The following AGMO variants were observed in gnomAD, a reference collection of about 807,000 sequenced individuals.
AGMO encodes the protein alkylglycerol monooxygenase, also known as glyceryl-ether monooxygenase.
AGMO carries 75 observed loss-of-function variants against 60.2 expected under a neutral mutation model. The observed-to-expected ratio is 1.25, with a 90% CI of 1.03 to 1.51. AGMO has a LOEUF of 1.51. Ranked by LOEUF, AGMO falls within the 40% of genes most tolerant of loss-of-function variation. The pLI is 0.00. For missense variants in AGMO, 763 were observed against 525.5 expected (o/e 1.45, Z -4.42); for synonymous variants, 261 against 177.1 (o/e 1.47, Z -3.76).
chr7:15,164,006 G>T, the AGMO span, among the ~76,000 whole-genome samples: 1 of 151,936 alleles, frequency 6.6e-6, no homozygotes, highest in South Asian at 2.1e-4. Context: ...GGCTCTGTAA[G>T]GCTATGATAA....
At chr7:15,183,129 C>CTTT in the AGMO span, among the ~76,000 whole-genome samples, 64 of 149,054 alleles carry the variant, frequency 4.3e-4, no homozygotes, top group East Asian at 2.4e-3. Context: ...TTCAAGTATA[C>CTTT]TTTTTTTTTT....
At chr7:15,202,458 C>CTAAAAAAA (rs1434707993) in intron 12 of AGMO, among the ~76,000 whole-genome samples, 1 of 45,358 alleles carries the variant, frequency 2.2e-5, no homozygotes, top group African/African-American at 6.7e-5. Flanking sequence ...TACAAATGAG[C>CTAAAAAAA]AAAAAAAAAA....
chr7:15,325,360 T>A (rs1406670057), intron 12 of AGMO, among the ~76,000 whole-genome samples: 1 of 152,186 alleles, frequency 6.6e-6, no homozygotes, highest in Non-Finnish European at 1.5e-5. Flanking sequence ...TAATTTTATT[T>A]GTAAAATTTA....
At chr7:15,412,480 T>C (rs1780641041) in intron 5 of AGMO, among the ~76,000 whole-genome samples, 1 of 151,834 alleles carries the variant, frequency 6.6e-6, no homozygotes, top group South Asian at 2.1e-4. Context: ...GCATACAAAG[T>C]GCCCTCAAAG....
At chr7:15,183,083 G>A in the AGMO span, among the ~76,000 whole-genome samples, 3 of 151,852 alleles carry the variant, frequency 2.0e-5, no homozygotes, top group Admixed American at 1.3e-4. Context: ...AGATTTGGGA[G>A]GGGACACAAT....
intron 12 of AGMO, among the ~76,000 whole-genome samples, chr7:15,354,379 T>TATAGACGTGTGTACACACGTGTGTGTAC (rs1186632664): frequency 1.8e-5 from 1 of 54,400 alleles, no homozygotes; most frequent in Non-Finnish European, 3.2e-5. Flanking sequence ...GACGTGTGTA[T>TATAGACGTGTGTACACACGTGTGTGTAC]ACACGTGTGT....
rs541101159 is a variant in AGMO at position 15,372,036 on chromosome 7, G to A, written c.1075-5814C>T. On this transcript the variant is annotated intron_variant, in intron 10 of 12. Coordinates refer to ENST00000342526, the MANE Select transcript of AGMO (RefSeq NM_001004320.2). ...TAAAAGAAACTGAGAATATTGAAGA[G>A]GGAATTCAACATAGAACACATATGC... Among the ~76,000 whole-genome samples, 179 of 152,124 alleles carry A rather than the reference G, an allele frequency of 1.2e-3. 1 individual carries two copies. Among genetic ancestry groups the A allele is most frequent in the African/African-American group, 4.2e-3 (175 of 41,490 alleles).
intron 3 of AGMO, among the ~76,000 whole-genome samples, chr7:15,518,399 A>G (rs1411255955): frequency 6.6e-6 from 1 of 152,146 alleles, no homozygotes; most frequent in East Asian, 1.9e-4. Flanking sequence ...GCAGGGGTCA[A>G]CAGGCACCTC....
chr7:15,338,878 T>C (rs1182384513), intron 12 of AGMO, among the ~76,000 whole-genome samples: 1 of 152,156 alleles, frequency 6.6e-6, no homozygotes, highest in East Asian at 1.9e-4. Flanking sequence ...TGTTTAACTG[T>C]AAAATAAGCA....
chr7:15,451,961 G>C (rs1162002091), intron 3 of AGMO, among the ~76,000 whole-genome samples: 3 of 152,154 alleles, frequency 2.0e-5, no homozygotes, highest in Non-Finnish European at 4.4e-5. Context: ...CAGCTGTTGG[G>C]ATTGGCCAAG....
intron 12 of AGMO, among the ~76,000 whole-genome samples, chr7:15,289,943 C>CT (rs36074413): frequency 0.072 from 2,254 of 31,398 alleles, 424 homozygotes; most frequent in African/African-American, 0.2. Context: ...TTCCAGAAAT[C>CT]TTTTTTTTTT....
chr7:15,278,558 C>G (rs1249481381), intron 12 of AGMO, among the ~76,000 whole-genome samples: 1 of 152,040 alleles, frequency 6.6e-6, no homozygotes, highest in Non-Finnish European at 1.5e-5. Context: ...GCAGGCAGAA[C>G]TCTCGGGTGA....
chr7:15,199,666 G>A (rs1224688855), downstream of AGMO, among the ~76,000 whole-genome samples: 1 of 152,132 alleles, frequency 6.6e-6, no homozygotes, highest in Non-Finnish European at 1.5e-5. Flanking sequence ...CAAGCCAGCA[G>A]AGGGCTCCCT....
chr7:15,286,582 T>C (rs529576970), intron 12 of AGMO, among the ~76,000 whole-genome samples: 1 of 152,116 alleles, frequency 6.6e-6, no homozygotes, highest in Admixed American at 6.5e-5. Flanking sequence ...GAATAGATGT[T>C]TGTGCAGGTA....
At chr7:15,523,425 A>G (rs1305902596) in intron 3 of AGMO, among the ~76,000 whole-genome samples, 3 of 152,192 alleles carry the variant, frequency 2.0e-5, no homozygotes, top group African/African-American at 7.2e-5. Context: ...AAGACTTGGA[A>G]CCCACTCAAA....
rs1298623061 is a variant in AGMO at position 15,384,117 on chromosome 7, TC to T, written c.1074+1328del. Among the ~76,000 whole-genome samples the T allele has an allele frequency of 5.3e-5, 8 of 152,128 alleles. No individual in the cohort carries two copies. The East Asian group carries it at 5.8e-4, about 11-fold the overall frequency. ...GCCTGGCTACTTATTTTTGTATTTTTCAGTAGAGACGTGGTTTCACCGTATT... is the reference window on the plus strand; with the variant it reads ...GCCTGGCTACTTATTTTTGTATTTTTAGTAGAGACGTGGTTTCACCGTATT... On this transcript the variant is annotated intron_variant, in intron 10 of 12. Coordinates refer to ENST00000342526, the MANE Select transcript of AGMO (RefSeq NM_001004320.2).
chr7:15,252,848 G>A (rs1316834664), intron 12 of AGMO, among the ~76,000 whole-genome samples: 3 of 152,092 alleles, frequency 2.0e-5, no homozygotes, highest in Non-Finnish European at 4.4e-5. Flanking sequence ...AGGGTGGGCG[G>A]GGGCAGTAAG....
chr7:15,385,022 C>A (rs1200034391), intron 10 of AGMO, among the ~76,000 whole-genome samples: 1 of 151,938 alleles, frequency 6.6e-6, no homozygotes, highest in African/African-American at 2.4e-5. Flanking sequence ...AAATGTCAAA[C>A]TAAAGGAATT....
At chr7:15,346,349 C>T (rs912751669) in intron 12 of AGMO, among the ~76,000 whole-genome samples, 2 of 152,056 alleles carry the variant, frequency 1.3e-5, no homozygotes, top group Admixed American at 6.6e-5. Context: ...GTCCCGAGTA[C>T]TTTATTTAGT....
Sources: allele counts gnomAD v4.1 joint callset (sites outside exome capture counted in the v4.1 genomes callset), GRCh38; gene constraint gnomAD v4.1.1; transcripts MANE v1.5; gene names NCBI Gene and HGNC (gene_info 2026-07-23, HGNC 2026-07-21).